OVCH2: variants seen among roughly 807,000 people sequenced by gnomAD.
OVCH2 encodes ovochymase-2.
In OVCH2, 88 loss-of-function variants were observed where a neutral mutation model predicts 73.7. The ratio of observed to expected loss-of-function variants is 1.19; its 90% CI spans 1.01 to 1.43. The LOEUF (loss-of-function observed/expected upper bound fraction) is 1.43. OVCH2 is among the 40% of genes most tolerant of loss of function. OVCH2 has a pLI of 0.00. For missense variants in OVCH2, 706 were observed against 674.5 expected (o/e 1.05, Z -0.52); for synonymous variants, 265 against 234.5 (o/e 1.13, Z -1.19).
chr11:7,689,829 T>C (rs1350240814), intron 15 of OVCH2, 95 bp downstream of exon 15: 3 of 771,436 alleles, frequency 3.9e-6, no homozygotes, highest in Non-Finnish European at 6.6e-6. Flanking sequence ...TAGTATATTT[T>C]GGAGGAAGAT....
chr11:7,691,461 G>A, intron 13 of OVCH2, 61 bp from the exon 14 acceptor site: 1 of 1,536,190 alleles, frequency 6.5e-7, no homozygotes, highest in Admixed American at 2.2e-5. Context: ...CCATGGCATT[G>A]GAGAGAAGAA....
Position 7,695,603 on chromosome 11 carries a change from T to C in OVCH2, c.1249A>G (p.Thr417Ala), listed in dbSNP as rs775634979. Residue 417 changes from threonine (T) to alanine (A), a missense_variant, in exon 11 of 16, where the codon ACC becomes GCC. By Grantham distance (58) the Thr-to-Ala change is moderately conservative. Transcript: ENST00000533663. ...TAGTTTGGTTTAAGAGCTTTATAGGTAAGATTAAACCCAGCTGCATTATCT... is the reference window on the plus strand; with the variant it reads ...TAGTTTGGTTTAAGAGCTTTATAGGCAAGATTAAACCCAGCTGCATTATCT... ...ATDNAAGFNL[T>A]YKALKPNYIP... is the part of the protein sequence containing the mutation. The C allele has an allele frequency of 6.2e-7, 1 of 1,613,738 alleles. No individual in the cohort carries two copies. Among genetic ancestry groups the C allele is most frequent in the Admixed American group, 1.7e-5 (1 of 60,018 alleles).
At chr11:7,705,533 C>G (rs944135682) in intron 1 of OVCH2, 1 of 152,156 alleles carries the variant, frequency 6.6e-6, no homozygotes, top group African/African-American at 2.4e-5. Flanking sequence ...CTCTTTCATA[C>G]AGCTTCTCAT....
At chr11:7,690,135 T>G in intron 14 of OVCH2, 122 bp from the exon 15 acceptor site, 7 of 661,260 alleles carry the variant, frequency 1.1e-5, no homozygotes, top group Non-Finnish European at 1.8e-5. Flanking sequence ...AGCTAGACTC[T>G]ATAGGTATTT....
intron 12 of OVCH2, among the ~76,000 whole-genome samples, chr11:7,694,840 C>T (rs141327918): frequency 5.2e-4 from 70 of 133,876 alleles, no homozygotes; most frequent in African/African-American, 1.9e-3. Context: ...GTAAGGAGCA[C>T]AGTGCCATCT....
chr11:7,705,953 T>A (rs767444605), intron 1 of OVCH2, among the ~76,000 whole-genome samples: 4 of 152,180 alleles, frequency 2.6e-5, no homozygotes, highest in Non-Finnish European at 5.9e-5. Flanking sequence ...TGTAAAAGAT[T>A]AAAAATGCTT....
downstream of OVCH2, among the ~76,000 whole-genome samples, chr11:7,684,520 GT>G (rs1856122319): frequency 6.6e-6 from 1 of 150,834 alleles, no homozygotes; most frequent in Admixed American, 6.6e-5. Flanking sequence ...GTGTGTGTGT[GT>G]GTGTGTGTGT....
Position 7,696,752 on chromosome 11 carries a change from G to T in OVCH2, c.973C>A (p.Leu325Met). ...DVIVSGAEGKLHFPESLHLYY... is the reference protein window; with the variant it reads ...DVIVSGAEGKMHFPESLHLYY... ...AGGTGGAGGCTTTCTGGGAAGTGCA[G>T]CTTCCCCTCAGCCCCGCTGACTATG... Residue 325 changes from leucine to methionine, a missense_variant, in exon 9 of 16, where the codon CTG becomes ATG. Leu to Met is a conservative substitution (Grantham distance 15). Coordinates refer to ENST00000533663, the MANE Select transcript of OVCH2 (RefSeq NM_198185.7). The T allele has an allele frequency of 6.2e-7, 1 of 1,612,970 alleles. No homozygotes were observed.
intron 1 of OVCH2, 188 bp downstream of exon 1, chr11:7,706,119 A>C (rs1025756696): frequency 3.6e-6 from 2 of 554,650 alleles, no homozygotes; most frequent in African/African-American, 3.8e-5. Flanking sequence ...CATTCTATAA[A>C]TGTTTCACCC....
chr11:7,700,826 T>C (rs922443554), intron 6 of OVCH2, among the ~76,000 whole-genome samples: 8 of 152,224 alleles, frequency 5.3e-5, no homozygotes, highest in African/African-American at 1.9e-4. Context: ...GGAGGAAAAG[T>C]GTAAAGTTCC....
the OVCH2 span, among the ~76,000 whole-genome samples, chr11:7,681,309 A>G: frequency 6.6e-6 from 1 of 152,230 alleles, no homozygotes; most frequent in Non-Finnish European, 1.5e-5. Flanking sequence ...TCTAAGAAGC[A>G]CTATAGACAG....
At chr11:7,681,201 A>C in the OVCH2 span, among the ~76,000 whole-genome samples, 2 of 152,220 alleles carry the variant, frequency 1.3e-5, no homozygotes, top group Non-Finnish European at 2.9e-5. Flanking sequence ...CAGACACTCA[A>C]TGCTGACCAA....
Position 7,704,572 on chromosome 11 carries a change from G to C in OVCH2, c.191C>G (p.Pro64Arg), listed in dbSNP as rs1475858233. 6.2e-7 allele frequency: 1 copy of C among 1,604,132 alleles called. No homozygotes were observed. The highest frequency in any genetic ancestry group is 8.5e-7 in the Non-Finnish European group (1 of 1,172,218). The part of the protein sequence containing the change: ...GGSQVEKGSY[P>R]WQVSLKQRQK... ...GAAGTCCTTGAGACTCACCTGCCAG[G>C]GATAGGAACCCTTCTCCACTTGGCT... Residue 64 changes from proline (P) to arginine (R), a missense_variant, in exon 2 of 16, where the codon CCC becomes CGC. Pro to Arg is a moderately radical substitution (Grantham distance 103). Coordinates refer to ENST00000533663, the MANE Select transcript of OVCH2 (RefSeq NM_198185.7).
intron 13 of OVCH2, among the ~76,000 whole-genome samples, 173 bp from the exon 14 acceptor site, chr11:7,691,573 C>T (rs1856222039): frequency 6.6e-6 from 1 of 152,200 alleles, no homozygotes; most frequent in Non-Finnish European, 1.5e-5. Flanking sequence ...CATGACATTT[C>T]AATTTGGTTT....
intron 11 of OVCH2, 139 bp downstream of exon 11, chr11:7,695,431 C>G: frequency 2.1e-6 from 2 of 967,078 alleles, no homozygotes; most frequent in Non-Finnish European, 3.1e-6. Flanking sequence ...CCCCTGTTCT[C>G]TAGTTGGCCT....
Position 7,695,705 on chromosome 11 carries a change from A to G in OVCH2, c.1147T>C (p.Phe383Leu). The G allele has an allele frequency of 6.3e-7, 1 of 1,588,492 alleles. No individual in the cohort carries two copies. Among genetic ancestry groups the G allele is most frequent in the Non-Finnish European group, 8.5e-7 (1 of 1,177,018 alleles). The change falls in exon 11 of 16, where the codon TTT becomes CTT. Residue 383 changes from phenylalanine to leucine, a missense_variant. Physicochemically the swap from Phe to Leu is conservative, Grantham distance 22 (BLOSUM62 0). Transcript: ENST00000533663. ...YSLEDRPIGKFCGESLPSSIL... is the reference protein window; with the variant it reads ...YSLEDRPIGKLCGESLPSSIL... ...GATGAAGGGAGGCTTTCTCCACAAA[A>G]TTTTCCTGCAGGATGAGAAAAAAGG...
chr11:7,687,307 GAAATA>G (rs1555012705), downstream of OVCH2, among the ~76,000 whole-genome samples: 102 of 92,944 alleles, frequency 1.1e-3, no homozygotes, highest in African/African-American at 5.1e-3. Flanking sequence ...GATGGCTGTG[GAAATA>G]ATAATAATAA....
At position 7,703,698 on chromosome 11, in the gene OVCH2, C is replaced by CA; in HGVS notation, c.289_290insT (p.Arg97MetfsTer15). On this transcript the variant is annotated frameshift_variant and splice_region_variant, in exon 3 of 16. Transcript: ENST00000533663. LOFTEE classifies it high-confidence loss of function. Reference sequence around the variant, plus strand: ...CACTCATGGGCTAGGCCTTTCTTACCTGTTTGCAATGCAGTGAGCCGCCGT... The same window carrying CA: ...CACTCATGGGCTAGGCCTTTCTTACCATGTTTGCAATGCAGTGAGCCGCCGT... 6.3e-7 allele frequency: 1 copy of CA among 1,599,790 alleles called. No individual in the cohort carries two copies. The highest frequency in any genetic ancestry group is 1.1e-5 in the South Asian group (1 of 87,890).
At position 7,691,185 on chromosome 11, in the gene OVCH2, T is replaced by C. The variant is rs755492436; in HGVS notation, c.1639+84A>G. ...CTGCAGATAGTGAGAATCGACTGTCTCTGTGTTGGGCTCTAAAGACCTCTA... is the reference window on the plus strand; with the variant it reads ...CTGCAGATAGTGAGAATCGACTGTCCCTGTGTTGGGCTCTAAAGACCTCTA... On this transcript the variant is annotated intron_variant, in intron 14 of 15. Coordinates refer to ENST00000533663, the MANE Select transcript of OVCH2 (RefSeq NM_198185.7). The C allele has an allele frequency of 2.0e-6, 3 of 1,470,640 alleles. No homozygotes were observed. In the South Asian group the frequency reaches 3.7e-5, roughly 18 times the overall value. The allele number at this position is 1,470,640 out of a possible 1,614,324, so 91.1% of individuals were successfully genotyped here.
Sources: allele counts gnomAD v4.1 joint callset (sites outside exome capture counted in the v4.1 genomes callset), GRCh38; gene constraint gnomAD v4.1.1; transcripts MANE v1.5; gene names NCBI Gene and HGNC (gene_info 2026-07-23, HGNC 2026-07-21).